The following HS2ST1 variants were observed in gnomAD, a reference collection of about 807,000 sequenced individuals.
The protein encoded by HS2ST1 is 2-O-sulfotransferase.
A neutral mutation model predicts 42.9 loss-of-function variants in HS2ST1; 18 were observed. The observed-to-expected ratio is 0.42, with a 90% CI of 0.29 to 0.62. The LOEUF is 0.62. Among genes scored for constraint, HS2ST1 ranks in the 20% least tolerant of loss-of-function variants. The probability of loss-of-function intolerance (pLI) is 0.21; values close to 1 mark genes in which losing one functional copy is unlikely to be tolerated. For missense variants in HS2ST1, 334 were observed against 433.8 expected, an observed-to-expected ratio of 0.77 and a Z score of 2.04; for synonymous variants, 146 against 152.9, an observed-to-expected ratio of 0.95 and a Z score of 0.33.
At chr1:87,103,078 C>T (rs1652254452) in intron 5 of HS2ST1, among the ~76,000 whole-genome samples, 2 of 152,196 alleles carry the variant, frequency 1.3e-5, no homozygotes, top group Non-Finnish European at 2.9e-5. Context: ...TGCTAGAGAG[C>T]TCTTAACAGA....
At chr1:87,063,113 A>G (rs773749017) in intron 1 of HS2ST1, among the ~76,000 whole-genome samples, 2 of 152,182 alleles carry the variant, frequency 1.3e-5, no homozygotes, top group East Asian at 1.9e-4. Flanking sequence ...TCTTTCTCCT[A>G]TTCTTTTAAG....
At chr1:86,970,606 C>G (rs1174800827) in intron 1 of HS2ST1, among the ~76,000 whole-genome samples, 1 of 152,070 alleles carries the variant, frequency 6.6e-6, no homozygotes, top group Non-Finnish European at 1.5e-5. Context: ...GTTGGCCAGG[C>G]TGGTCTCGAA....
At chr1:86,993,109 G>A (rs753328703) in intron 1 of HS2ST1, 11 of 1,601,388 alleles carry the variant, frequency 6.9e-6, no homozygotes, top group Admixed American at 5.1e-5. Flanking sequence ...CATTCATCTC[G>A]AAGTATTCAG....
At chr1:86,931,957 A>T (rs1660552994) in intron 1 of HS2ST1, among the ~76,000 whole-genome samples, 1 of 152,052 alleles carries the variant, frequency 6.6e-6, no homozygotes, top group Admixed American at 6.6e-5. Context: ...TTCTTTTTGT[A>T]GAGACAAGGT....
intron 1 of HS2ST1, among the ~76,000 whole-genome samples, chr1:87,028,349 T>C (rs1362115162): frequency 6.6e-6 from 1 of 152,224 alleles, no homozygotes; most frequent in Non-Finnish European, 1.5e-5. Flanking sequence ...GCCCTTCAAA[T>C]AATTTATGTT....
In HS2ST1 at chr1:86,953,337, A is replaced by G. The variant is rs183785542; in HGVS notation, c.124+38177A>G. Among the ~76,000 whole-genome samples the G allele has an allele frequency of 6.6e-5, 10 of 152,358 alleles. No homozygotes were observed. The East Asian group carries it at 7.7e-4, about 12-fold the overall frequency. ...GATAAGGCAGTTTCGTTTTCTTATC[A>G]TGGTGTGTTCACTGGAGTGGCACTT... is the stretch of plus-strand genomic sequence containing the variant. On this transcript the variant is annotated intron_variant, in intron 1 of 6. Coordinates refer to ENST00000370550, the MANE Select transcript of HS2ST1 (RefSeq NM_012262.4).
At chr1:87,063,502 A>G (rs1651168832) in intron 1 of HS2ST1, among the ~76,000 whole-genome samples, 1 of 151,898 alleles carries the variant, frequency 6.6e-6, no homozygotes, top group African/African-American at 2.4e-5. Context: ...ACGCCTGGCT[A>G]ATTTTTGTAT....
chr1:87,075,161 CTTTTTTTTT>C (rs34812948), intron 2 of HS2ST1, among the ~76,000 whole-genome samples: 4 of 48,598 alleles, frequency 8.2e-5, no homozygotes, highest in Non-Finnish European at 1.1e-4. Context: ...TCTCAGCTAC[CTTTTTTTTT>C]TTTTTTTTTT....
At chr1:87,098,998 G>A (rs867730827) in intron 5 of HS2ST1, among the ~76,000 whole-genome samples, 6 of 152,008 alleles carry the variant, frequency 3.9e-5, no homozygotes, top group Admixed American at 6.6e-5. Context: ...GGCTGGTCTC[G>A]AACTCCTGAC....
In HS2ST1 at chr1:87,106,679, T is replaced by A. The variant is rs1486867937; in HGVS notation, c.*1983T>A. 1 of 152,080 alleles carries A rather than the reference T, an allele frequency of 6.6e-6. No individual in the cohort carries two copies. Among genetic ancestry groups the A allele is most frequent in the Admixed American group, 6.6e-5 (1 of 15,236 alleles). 9.4% of individuals were successfully genotyped at this position (152,080 alleles called of 1,614,324 possible). On this transcript the variant is annotated 3_prime_UTR_variant, in exon 7 of 7. Transcript: ENST00000370550. The stretch of plus-strand genomic sequence containing the variant: ...TAAAAGAACATAGGCAGGCTTTTTT[T>A]AAATTTGGCTTTTTTCTTTCCTTTT...
In HS2ST1 at chr1:87,105,962, T is replaced by G. The variant is rs768478184; in HGVS notation, c.*1266T>G. Reference sequence around the variant, plus strand: ...GTGATCTTGGGCAAGTCACTTAACCTCTCTTTGCCTCAATTTCCTCATCTT... The same window carrying G: ...GTGATCTTGGGCAAGTCACTTAACCGCTCTTTGCCTCAATTTCCTCATCTT... On this transcript the variant is annotated 3_prime_UTR_variant, in exon 7 of 7. Transcript: ENST00000370550. 1 of 152,916 alleles carries G rather than the reference T, an allele frequency of 6.5e-6. No homozygotes were observed. The highest frequency in any genetic ancestry group is 2.1e-4 in the South Asian group (1 of 4,836). The allele number at this position is 152,916 out of a possible 1,614,324, so 9.5% of individuals were successfully genotyped here.
At chr1:86,969,416 G>C (rs1341860822) in intron 1 of HS2ST1, among the ~76,000 whole-genome samples, 1 of 152,178 alleles carries the variant, frequency 6.6e-6, no homozygotes, top group Non-Finnish European at 1.5e-5. Flanking sequence ...GCACGTGCCT[G>C]TGTGGAATTG....
At chr1:87,057,350 T>G (rs1190749763) in intron 1 of HS2ST1, among the ~76,000 whole-genome samples, 1 of 152,168 alleles carries the variant, frequency 6.6e-6, no homozygotes, top group Non-Finnish European at 1.5e-5. Flanking sequence ...TAGGATATGG[T>G]TCATATTCCT....
chr1:86,965,648 G>GT (rs1043804736), intron 1 of HS2ST1, among the ~76,000 whole-genome samples: 199 of 150,632 alleles, frequency 1.3e-3, no homozygotes, highest in Admixed American at 2.2e-3. Context: ...TGGGAGGCTG[G>GT]TTTTTTTTTA....
intron 1 of HS2ST1, among the ~76,000 whole-genome samples, chr1:86,986,095 A>C (rs1312943993): frequency 6.7e-6 from 1 of 149,296 alleles, no homozygotes; most frequent in African/African-American, 2.5e-5. Flanking sequence ...AATTTGTTAC[A>C]ATCAGGATTA....
chr1:86,972,320 C>T (rs1245260179), intron 1 of HS2ST1, among the ~76,000 whole-genome samples: 1 of 151,972 alleles, frequency 6.6e-6, no homozygotes, highest in African/African-American at 2.4e-5. Flanking sequence ...ATTCACATGG[C>T]TTGTATTACA....
chr1:87,000,712 G>A (rs1470609569), intron 1 of HS2ST1, among the ~76,000 whole-genome samples: 1 of 152,088 alleles, frequency 6.6e-6, no homozygotes, highest in Non-Finnish European at 1.5e-5. Context: ...TTCTACTATT[G>A]TTTTCTTTAT....
chr1:86,953,537 A>C (rs1487588820), intron 1 of HS2ST1, among the ~76,000 whole-genome samples: 1 of 152,166 alleles, frequency 6.6e-6, no homozygotes, highest in Non-Finnish European at 1.5e-5. Context: ...CAGGCAGCGG[A>C]TCACTTGAGG....
At chr1:87,029,174 T>C (rs1390062877) in intron 1 of HS2ST1, among the ~76,000 whole-genome samples, 1 of 152,192 alleles carries the variant, frequency 6.6e-6, no homozygotes, top group Non-Finnish European at 1.5e-5. Flanking sequence ...TATAATTTAG[T>C]AGATTAGCAG....
Sources: gnomAD v4.1 joint callset for allele counts (sites outside exome capture counted in the v4.1 genomes callset) on GRCh38, gnomAD v4.1.1 for gene constraint, MANE v1.5 for transcripts, NCBI Gene and HGNC (gene_info 2026-07-23, HGNC 2026-07-21) for gene names.